ANKDD1A: variants seen among roughly 807,000 people sequenced by gnomAD.
The protein encoded by ANKDD1A is ankyrin repeat and death domain containing 1A.
A neutral mutation model predicts 63.5 loss-of-function variants in ANKDD1A; 59 were observed. The observed-to-expected ratio is 0.93, with a 90% CI of 0.75 to 1.15. The LOEUF (loss-of-function observed/expected upper bound fraction) is 1.15. ANKDD1A is among the 50% of genes most tolerant of loss of function. ANKDD1A has a pLI of 0.00. For missense variants in ANKDD1A, 632 were observed against 656.4 expected, an observed-to-expected ratio of 0.96 and a Z score of 0.41; for synonymous variants, 266 against 263.9, an observed-to-expected ratio of 1.01 and a Z score of -0.08.
intron 12 of ANKDD1A, 145 bp from the exon 13 acceptor site, chr15:64,947,259 G>A (rs541551851): frequency 2.8e-6 from 2 of 720,844 alleles, no homozygotes; most frequent in African/African-American, 3.6e-5. Flanking sequence ...CAGAAGAGAG[G>A]ACATTAAGCC....
chr15:64,927,729 C>T (rs977712399), intron 6 of ANKDD1A, among the ~76,000 whole-genome samples: 9 of 151,842 alleles, frequency 5.9e-5, no homozygotes, highest in Admixed American at 3.9e-4. Context: ...CTCAGCCTCC[C>T]GAATAGCTGG....
chr15:64,912,033 T>A, intron 1 of ANKDD1A, 69 bp downstream of exon 1: 1 of 1,228,736 alleles, frequency 8.1e-7, no homozygotes, highest in Non-Finnish European at 1.0e-6. Flanking sequence ...GTTTGGGGAG[T>A]GCCAGGGGTG....
chr15:64,951,430 C>CT lies in ANKDD1A; in HGVS notation c.1483+1463dup, dbSNP rs71447825. The CT allele has an allele frequency of 1.1e-4, 20 of 188,950 alleles. 1 individual carries two copies. The highest frequency in any genetic ancestry group is 8.4e-4 in the East Asian group (4 of 4,786). The allele number at this position is 188,950 out of a possible 1,614,324, so 11.7% of individuals were successfully genotyped here. On this transcript the variant is annotated intron_variant, in intron 14 of 14. Transcript: ENST00000319580. ...TTTTTTCTTTTCTTCCTCTTTTCTT[C>CT]TTTTTCTTTCTTCTTCCCTTTCTTT...
intron 14 of ANKDD1A, among the ~76,000 whole-genome samples, chr15:64,952,100 C>T (rs1301112204): frequency 3.9e-5 from 2 of 51,156 alleles, no homozygotes; most frequent in East Asian, 4.4e-3. Flanking sequence ...TCCTCTTCTT[C>T]CTTCTTTTCT....
intron 8 of ANKDD1A, chr15:64,932,589 T>C (rs2085100315): frequency 6.6e-6 from 1 of 152,208 alleles, no homozygotes; most frequent in Admixed American, 6.5e-5. Context: ...CAGTGACAAA[T>C]AACCTTTCTG....
At position 64,941,971 on chromosome 15, in the gene ANKDD1A, A is replaced by G. The variant is rs373625733; in HGVS notation, c.868-496A>G. ...CGTGGTGGGAGTAGAAAGTCCAATA[A>G]GTCATCGTTCCTATTAGCTAAGTAT... On this transcript the variant is annotated intron_variant, in intron 9 of 14. Coordinates refer to ENST00000319580, the MANE Select transcript of ANKDD1A (RefSeq NM_182703.6). 4.6e-5 allele frequency among the ~76,000 whole-genome samples: 7 copies of G among 152,170 alleles called. No homozygotes were observed. In the East Asian group the frequency reaches 1.3e-3, roughly 29 times the overall value.
At chr15:64,934,904 A>C (rs1021124070) in intron 9 of ANKDD1A, among the ~76,000 whole-genome samples, 2 of 151,996 alleles carry the variant, frequency 1.3e-5, no homozygotes, top group African/African-American at 4.8e-5. Flanking sequence ...TTTGGTCCAC[A>C]CACAGGAACT....
chr15:64,953,160 C>CT, intron 14 of ANKDD1A, among the ~76,000 whole-genome samples: 2 of 46,462 alleles, frequency 4.3e-5, no homozygotes, highest in Non-Finnish European at 9.8e-5. Flanking sequence ...CTCCTTTCTT[C>CT]TTTCCTTCTT....
intron 12 of ANKDD1A, 40 bp from the exon 13 acceptor site, chr15:64,947,364 A>G: frequency 6.3e-7 from 1 of 1,592,028 alleles, no homozygotes; most frequent in Non-Finnish European, 8.6e-7. Context: ...GTCTGGGATC[A>G]TGAGGGAGAG....
intron 14 of ANKDD1A, among the ~76,000 whole-genome samples, chr15:64,952,636 T>TTTCTC (rs2085315155): frequency 8.1e-5 from 1 of 12,404 alleles, no homozygotes; most frequent in Non-Finnish European, 4.9e-4. Context: ...GTCTTTTCTT[T>TTTCTC]CTTCTTCTCC....
Position 64,942,649 on chromosome 15 carries a change from C to T in ANKDD1A, c.966+84C>T, listed in dbSNP as rs1595854820. On this transcript the variant is annotated intron_variant, in intron 10 of 14. Coordinates refer to ENST00000319580, the MANE Select transcript of ANKDD1A (RefSeq NM_182703.6). ...GGCAGGCTTGGCTGTGGTCTCCTAGCATGGCCCAGAGTTGAGGAATCACTT... is the reference window on the plus strand; with the variant it reads ...GGCAGGCTTGGCTGTGGTCTCCTAGTATGGCCCAGAGTTGAGGAATCACTT... 21 of 1,027,150 alleles carry T rather than the reference C, an allele frequency of 2.0e-5. No individual in the cohort carries two copies. The East Asian group carries it at 5.7e-4, about 28-fold the overall frequency. The allele number at this position is 1,027,150 out of a possible 1,614,324, so 63.6% of individuals were successfully genotyped here.
intron 14 of ANKDD1A, among the ~76,000 whole-genome samples, chr15:64,952,340 T>TCTC (rs1198215760): frequency 2.0e-4 from 29 of 143,508 alleles, no homozygotes; most frequent in Admixed American, 1.3e-3. Flanking sequence ...TCCTTCTCCT[T>TCTC]CTTCTTAGTT....
In ANKDD1A at chr15:64,922,008, T is replaced by A; in HGVS notation, c.355T>A (p.Cys119Ser). ...GGTAAACTCAGGGGCCAAGATCCAC[T>A]GTGAGAGCAAGGTAAGGCCTCAGCT... is the stretch of plus-strand genomic sequence containing the variant. ...ILVNSGAKIHCESKDGLTLLH... is the reference protein window; with the variant it reads ...ILVNSGAKIHSESKDGLTLLH... The change falls in exon 4 of 15, where the codon TGT (cysteine) becomes AGT (serine). Residue 119 changes from cysteine (C) to serine (S), a missense_variant. By Grantham distance (112) the Cys-to-Ser change is moderately radical. Coordinates refer to ENST00000319580, the MANE Select transcript of ANKDD1A (RefSeq NM_182703.6). 6.2e-7 allele frequency: 1 copy of A among 1,614,172 alleles called. No individual in the cohort carries two copies. Among genetic ancestry groups the A allele is most frequent in the Non-Finnish European group, 8.5e-7 (1 of 1,180,008 alleles).
chr15:64,942,085 C>T (rs1450281092), intron 9 of ANKDD1A, among the ~76,000 whole-genome samples: 2 of 152,056 alleles, frequency 1.3e-5, no homozygotes, highest in Admixed American at 1.3e-4. Context: ...CTATATACTT[C>T]CTAGGTTGAT....
intron 11 of ANKDD1A, 23 bp downstream of exon 11, chr15:64,943,605 T>A (rs755908396): frequency 1.2e-6 from 2 of 1,610,638 alleles, no homozygotes; most frequent in African/African-American, 2.7e-5. Flanking sequence ...ACAACCCACC[T>A]CGCTTCAGGC....
intron 14 of ANKDD1A, among the ~76,000 whole-genome samples, chr15:64,954,659 T>C (rs1052487276): frequency 6.0e-5 from 8 of 132,406 alleles, no homozygotes; most frequent in African/African-American, 1.5e-4. Flanking sequence ...CTTCTCCTTC[T>C]TTCTTCTTGT....
intron 14 of ANKDD1A, chr15:64,950,611 T>G: frequency 1.0e-6 from 1 of 985,304 alleles, no homozygotes; most frequent in Non-Finnish European, 1.2e-6. Context: ...AGGCAGCCAC[T>G]GATAGTTGTG....
chr15:64,917,499 A>G lies in ANKDD1A; in HGVS notation c.252A>G (p.Thr84=). 6.3e-7 allele frequency: 1 copy of G among 1,578,676 alleles called. No individual in the cohort carries two copies. Among genetic ancestry groups the G allele is most frequent in the South Asian group, 1.2e-5 (1 of 86,424 alleles). ...VDEEDAVGAL[T]EARLCFGMNA... ...AGGAGGATGCGGTAGGGGCCCTCAC[A>G]GAGGCACGTCTGTGTGTACGTGTCT... Residue 84 remains threonine, a synonymous_variant, in exon 3 of 15, where the codon ACA becomes ACG. Transcript: ENST00000319580.
chr15:64,928,993 C>G (rs998132690), intron 6 of ANKDD1A, among the ~76,000 whole-genome samples: 1 of 152,236 alleles, frequency 6.6e-6, no homozygotes, highest in Non-Finnish European at 1.5e-5. Flanking sequence ...CTTCATGGTT[C>G]ACCTGCTTCC....
Sources: allele counts gnomAD v4.1 joint callset (sites outside exome capture counted in the v4.1 genomes callset), GRCh38; gene constraint gnomAD v4.1.1; transcripts MANE v1.5; gene names NCBI Gene and HGNC (gene_info 2026-07-23, HGNC 2026-07-21).